SEMA7A: variants seen among roughly 807,000 people sequenced by gnomAD.
SEMA7A encodes semaphorin 7A (JohnMiltonHagen blood group), also known as semaphorin-7A.
SEMA7A carries 21 observed loss-of-function variants against 67.5 expected under a neutral mutation model. That is an observed-to-expected ratio of 0.31 (90% CI 0.22 to 0.45). The LOEUF is 0.45. Among genes scored for constraint, SEMA7A ranks in the 20% least tolerant of loss-of-function variants. The pLI, the probability that SEMA7A is intolerant of heterozygous loss-of-function variation, is 1.00. For missense variants in SEMA7A, 774 were observed against 908.6 expected, an observed-to-expected ratio of 0.85 and a Z score of 1.90; for synonymous variants, 364 against 368.5, an observed-to-expected ratio of 0.99 and a Z score of 0.14.
rs142402217 is a variant in SEMA7A at position 74,414,862 on chromosome 15, G to A, written c.1071C>T (p.Ser357=). The A allele has an allele frequency of 1.9e-6, 3 of 1,614,216 alleles. No individual in the cohort carries two copies. The highest frequency in any genetic ancestry group is 2.5e-6 in the Non-Finnish European group (3 of 1,180,030). The part of the protein sequence containing the change: ...RTSSLKGYHS[S]LPNPRPGKCL... Reference sequence around the variant, plus strand: ...CCTTGCCAGGCCGCGGGTTGGGAAGGCTTGAGTGGTAGCCCTTGAGTGAGG... The same window carrying A: ...CCTTGCCAGGCCGCGGGTTGGGAAGACTTGAGTGGTAGCCCTTGAGTGAGG... Residue 357 remains serine, a synonymous_variant, in exon 9 of 14, where the codon AGC becomes AGT. Transcript: ENST00000261918. This position sits in a 1 kb window ranked among gnomAD's most constrained non-coding sequence, Gnocchi z 4.1.
chr15:74,431,066 G>C (rs946149008), intron 1 of SEMA7A, among the ~76,000 whole-genome samples: 9 of 152,176 alleles, frequency 5.9e-5, no homozygotes, highest in Non-Finnish European at 1.0e-4. Context: ...AAATGGAAGA[G>C]GGGTGCACAG....
intron 8 of SEMA7A, among the ~76,000 whole-genome samples, chr15:74,415,179 C>A (rs1037605816): frequency 6.6e-6 from 1 of 152,210 alleles, no homozygotes; most frequent in South Asian, 2.1e-4. Flanking sequence ...CTGCTCTACC[C>A]AACCCCAAGG....
chr15:74,425,044 T>C (rs2061032185), intron 1 of SEMA7A, among the ~76,000 whole-genome samples: 1 of 152,116 alleles, frequency 6.6e-6, no homozygotes, highest in African/African-American at 2.4e-5. Context: ...TCCCCAGTCT[T>C]AGCCTTAGCC....
In SEMA7A at chr15:74,423,512, G is replaced by A. The variant is rs2141285594; in HGVS notation, c.179-4560C>T. Among the ~76,000 whole-genome samples, 1 of 152,194 alleles carries A rather than the reference G, an allele frequency of 6.6e-6. No individual in the cohort carries two copies. The highest frequency in any genetic ancestry group is 1.5e-5 in the Non-Finnish European group (1 of 67,990). ...TCCAGGATCACATCCTGGGCTTCCTGGAGAGCCTCTGATTTGCAAAAAGCT... is the reference window on the plus strand; with the variant it reads ...TCCAGGATCACATCCTGGGCTTCCTAGAGAGCCTCTGATTTGCAAAAAGCT... On this transcript the variant is annotated intron_variant, in intron 1 of 13. Coordinates refer to ENST00000261918, the MANE Select transcript of SEMA7A (RefSeq NM_003612.5). This position sits in a 1 kb window ranked among gnomAD's most constrained non-coding sequence, Gnocchi z 4.1.
At position 74,411,426 on chromosome 15, in the gene SEMA7A, C is replaced by A; in HGVS notation, c.1578-70G>T. ...AGACCTGACCCTCCTATCCTTACCC[C>A]AGTGCAGTTCCAGCAGAGAGGAGGG... On this transcript the variant is annotated intron_variant, in intron 12 of 13. Transcript: ENST00000261918. The surrounding 1 kb of genome is among the most constrained non-coding windows in gnomAD (Gnocchi z 4.4). 1 of 1,574,486 alleles carries A rather than the reference C, an allele frequency of 6.4e-7. No individual in the cohort carries two copies. Among genetic ancestry groups the A allele is most frequent in the Non-Finnish European group, 8.6e-7 (1 of 1,156,660 alleles).
rs114791309 is a variant in SEMA7A, at chr15:74,427,348, A to T, written c.178+6393T>A. 1.8e-3 allele frequency: 1,772 copies of T among 985,414 alleles called. 32 individuals carry two copies. In the African/African-American group the frequency reaches 0.029, roughly 16 times the overall value. 61.0% of individuals were successfully genotyped at this position (985,414 alleles called of 1,614,324 possible). A position where few individuals can be genotyped will look rare whatever the true frequency, so the allele number is the denominator to read the frequency against. ...CAGGCCAAACTCCCATGCCAGAGGG[A>T]CAGGTATCTTAGAACAGATTCCTGG... On this transcript the variant is annotated intron_variant, in intron 1 of 13. Transcript: ENST00000261918.
At chr15:74,431,001 G>C (rs2061083802) in intron 1 of SEMA7A, among the ~76,000 whole-genome samples, 1 of 152,192 alleles carries the variant, frequency 6.6e-6, no homozygotes, top group African/African-American at 2.4e-5. Flanking sequence ...GGACAGGCTG[G>C]TTCACCTCTG....
chr15:74,411,418 C>A lies in SEMA7A; in HGVS notation c.1578-62G>T. Reference sequence around the variant, plus strand: ...AAGGCTGCAGACCTGACCCTCCTATCCTTACCCCAGTGCAGTTCCAGCAGA... The same window carrying A: ...AAGGCTGCAGACCTGACCCTCCTATACTTACCCCAGTGCAGTTCCAGCAGA... On this transcript the variant is annotated intron_variant, in intron 12 of 13. Transcript: ENST00000261918. The surrounding 1 kb of genome is among the most constrained non-coding windows in gnomAD (Gnocchi z 4.4). 1.3e-6 allele frequency: 2 copies of A among 1,591,594 alleles called. No homozygotes were observed. Among genetic ancestry groups the A allele is most frequent in the Non-Finnish European group, 1.7e-6 (2 of 1,166,636 alleles).
Position 74,417,610 on chromosome 15 carries a change from G to A in SEMA7A, c.531C>T (p.Asn177=), listed in dbSNP as rs770915660. 1.4e-5 allele frequency: 22 copies of A among 1,612,762 alleles called. No homozygotes were observed. The Admixed American group carries it at 3.3e-4, about 24-fold the overall frequency. ...RGYAPFSPDE[N]SLVLFEGDEV... ...CCCTACCTTCAAACAGAACCAGGGA[G>A]TTCTCGTCCGGGCTGAAGGGGGCGT... Residue 177 remains asparagine (N), a synonymous_variant, in exon 5 of 14, where the codon AAC becomes AAT. Transcript: ENST00000261918.
In SEMA7A at chr15:74,415,896, G is replaced by C. The variant is rs1160263211; in HGVS notation, c.891C>G (p.Asn297Lys). 1 of 1,614,138 alleles carries C rather than the reference G, an allele frequency of 6.2e-7. No individual in the cohort carries two copies. Among genetic ancestry groups the C allele is most frequent in the Admixed American group, 1.7e-5 (1 of 60,024 alleles). Residue 297 changes from asparagine to lysine, a missense_variant, in exon 8 of 14, where the codon AAC becomes AAG. Around this residue, in one of 2 missense-constraint regions of SEMA7A, gnomAD observed 427 missense variants for 555.4 expected, o/e 0.77. Coordinates refer to ENST00000261918, the MANE Select transcript of SEMA7A (RefSeq NM_003612.5). ...CGTCTTGCAGCCTGTTGAAGTTCTT[G>C]TTGGTGGCAGCATCACTGCATACCA... ...AMLVCSDAAT[N>K]KNFNRLQDVF...
chr15:74,430,967 G>C (rs2061083561), intron 1 of SEMA7A, among the ~76,000 whole-genome samples: 1 of 152,184 alleles, frequency 6.6e-6, no homozygotes. Flanking sequence ...GTTGAGACTG[G>C]GGATATGGGT....
chr15:74,411,909 C>T lies in SEMA7A; in HGVS notation c.1398G>A (p.Gln466=), dbSNP rs920755934. 5.0e-6 allele frequency: 8 copies of T among 1,614,024 alleles called. No homozygotes were observed. Among genetic ancestry groups the T allele is most frequent in the South Asian group, 1.1e-5 (1 of 91,074 alleles). The part of the protein sequence containing the change: ...IQPFRRAAAI[Q]TMSLDAERRK... ...CCCGCTCAGCATCCAGCGACATGGT[C>T]TGGATGGCAGCCGCGCGGCGGAAGG... The change falls in exon 11 of 14, where the codon CAG becomes CAA. Residue 466 remains glutamine, a synonymous_variant. Transcript: ENST00000261918. The surrounding 1 kb of genome is among the most constrained non-coding windows in gnomAD (Gnocchi z 4.4).
chr15:74,419,055 G>C (rs932434195), intron 1 of SEMA7A, 103 bp from the exon 2 acceptor site: 6 of 1,329,376 alleles, frequency 4.5e-6, no homozygotes, highest in Non-Finnish European at 6.2e-6. Flanking sequence ...TGGTGCTCAG[G>C]GTCCTGGCAG....
chr15:74,419,101 G>A, intron 1 of SEMA7A, 149 bp from the exon 2 acceptor site: 1 of 867,456 alleles, frequency 1.2e-6, no homozygotes, highest in Non-Finnish European at 1.7e-6. Flanking sequence ...GTGGTACCCA[G>A]ACTCAGAGAG....
At chr15:74,415,718 G>A (rs933078385) in intron 8 of SEMA7A, 83 bp downstream of exon 8, 14 of 1,362,750 alleles carry the variant, frequency 1.0e-5, no homozygotes, top group African/African-American at 1.5e-5. Context: ...CACCAGGGAG[G>A]CCCTCAGCAG....
chr15:74,420,807 C>T (rs2060994029), intron 1 of SEMA7A, among the ~76,000 whole-genome samples: 1 of 152,232 alleles, frequency 6.6e-6, no homozygotes, highest in Admixed American at 6.5e-5. Flanking sequence ...CCCCAACTCC[C>T]CTCCTGCTCC....
intron 1 of SEMA7A, among the ~76,000 whole-genome samples, chr15:74,424,833 T>C (rs1177119313): frequency 1.3e-5 from 2 of 152,150 alleles, no homozygotes; most frequent in African/African-American, 4.8e-5. Context: ...TTCCAGCTGT[T>C]CTCCAGCCCA....
chr15:74,418,775 G>T (rs1206605348), intron 2 of SEMA7A, 26 bp downstream of exon 2: 1 of 1,609,738 alleles, frequency 6.2e-7, no homozygotes, highest in Non-Finnish European at 8.5e-7. Context: ...GGGTAGGGGG[G>T]GTGTTGGGGG....
intron 1 of SEMA7A, among the ~76,000 whole-genome samples, chr15:74,426,760 T>A (rs1433093704): frequency 6.6e-6 from 1 of 152,138 alleles, no homozygotes; most frequent in African/African-American, 2.4e-5. Context: ...TGGGAGACAG[T>A]GAGATCCTGT....
Sources: gnomAD v4.1 joint callset for allele counts (sites outside exome capture counted in the v4.1 genomes callset) on GRCh38, gnomAD v4.1.1 for gene constraint, gnomAD v4.1.1 regional missense constraint, Gnocchi (gnomAD v3.1) non-coding constraint, MANE v1.5 for transcripts, NCBI Gene and HGNC (gene_info 2026-07-23, HGNC 2026-07-21) for gene names.